Variants in TAMM41 observed in about 807,000 individuals in gnomAD.
TAMM41 encodes phosphatidate cytidylyltransferase, mitochondrial.
Under a neutral mutation model 44.1 loss-of-function variants are expected in TAMM41, and 36 were observed. The observed-to-expected ratio is 0.82, with a 90% CI of 0.63 to 1.08. TAMM41 has a LOEUF of 1.08. TAMM41 is among the 50% of genes least tolerant of loss of function. The probability of loss-of-function intolerance (pLI) is 0.00; values close to 1 mark genes in which losing one functional copy is unlikely to be tolerated. For missense variants in TAMM41, 417 were observed against 404.3 expected, an observed-to-expected ratio of 1.03 and a Z score of -0.27; for synonymous variants, 164 against 153.1, an observed-to-expected ratio of 1.07 and a Z score of -0.53.
At chr3:11,829,217 G>A (rs1024456165) in intron 4 of TAMM41, among the ~76,000 whole-genome samples, 1 of 152,102 alleles carries the variant, frequency 6.6e-6, no homozygotes, top group Non-Finnish European at 1.5e-5. Context: ...GCATCACTTG[G>A]GAACTTGTTT....
At chr3:11,775,743 T>TG in the TAMM41 span, among the ~76,000 whole-genome samples, 1 of 152,038 alleles carries the variant, frequency 6.6e-6, no homozygotes, top group African/African-American at 2.4e-5. Flanking sequence ...CAAGAAAACG[T>TG]GGGGTGTGTT....
intron 4 of TAMM41, among the ~76,000 whole-genome samples, chr3:11,828,004 T>A (rs2078828752): frequency 6.6e-6 from 1 of 152,192 alleles, no homozygotes. Flanking sequence ...TGGAAAAAGA[T>A]GGACAATGCA....
intron 4 of TAMM41, among the ~76,000 whole-genome samples, chr3:11,826,963 C>T (rs1320686482): frequency 6.6e-6 from 1 of 152,248 alleles, no homozygotes; most frequent in African/African-American, 2.4e-5. Flanking sequence ...CATCAGTCTA[C>T]TGCTTTCCTC....
intron 3 of TAMM41, among the ~76,000 whole-genome samples, chr3:11,836,580 C>T (rs2079185923): frequency 6.6e-6 from 1 of 152,242 alleles, no homozygotes; most frequent in East Asian, 1.9e-4. Flanking sequence ...TCTCCTGCCT[C>T]AGCCTCCCGA....
intron 2 of TAMM41, among the ~76,000 whole-genome samples, chr3:11,843,384 A>G (rs1327891418): frequency 6.6e-6 from 1 of 150,638 alleles, no homozygotes; most frequent in Non-Finnish European, 1.5e-5. Context: ...TGGACACACA[A>G]CCTAGGGGAT....
At chr3:11,761,204 T>C in the TAMM41 span, among the ~76,000 whole-genome samples, 2 of 152,218 alleles carry the variant, frequency 1.3e-5, no homozygotes, top group South Asian at 4.2e-4. Flanking sequence ...TGTTGTTTTA[T>C]TTTCATTTTA....
chr3:11,789,794 C>T (rs898368939), downstream of TAMM41, among the ~76,000 whole-genome samples: 4 of 152,358 alleles, frequency 2.6e-5, no homozygotes, highest in African/African-American at 7.2e-5. Flanking sequence ...GCCCTTGAAG[C>T]TGCTGCCAGC....
chr3:11,818,874 G>T (rs975177140), intron 4 of TAMM41, among the ~76,000 whole-genome samples: 2 of 150,066 alleles, frequency 1.3e-5, no homozygotes, highest in Non-Finnish European at 3.0e-5. Context: ...CTCCAGCCTG[G>T]GTGATGAAGC....
At chr3:11,844,891 T>C (rs392621) in intron 1 of TAMM41, 192,126 of 456,078 alleles carry the variant, frequency 0.42, 42,293 homozygotes, top group Middle Eastern at 0.57. Context: ...ATGTACTAAC[T>C]GCACTCAGCA....
chr3:11,732,989 G>GT, the TAMM41 span, among the ~76,000 whole-genome samples: 44,798 of 127,616 alleles, frequency 0.35, 7,973 homozygotes, highest in East Asian at 0.54. Flanking sequence ...TATGATTTGA[G>GT]TTTTTTTTTT....
At chr3:11,781,369 G>T in the TAMM41 span, among the ~76,000 whole-genome samples, 1 of 152,094 alleles carries the variant, frequency 6.6e-6, no homozygotes. Flanking sequence ...GAAGCTCTTA[G>T]CCCTGTTATA....
chr3:11,816,765 C>T (rs2078293534), intron 5 of TAMM41, among the ~76,000 whole-genome samples: 1 of 151,690 alleles, frequency 6.6e-6, no homozygotes, highest in Non-Finnish European at 1.5e-5. Context: ...GAGTCAGACC[C>T]TGTCCCCCCA....
At chr3:11,790,367 A>T, downstream of TAMM41, 1 of 800,156 alleles carries the variant, frequency 1.2e-6, no homozygotes, top group Non-Finnish European at 2.1e-6. Flanking sequence ...TCTGATGCAT[A>T]CATTTAAAAA....
the TAMM41 span, among the ~76,000 whole-genome samples, chr3:11,782,334 C>T: frequency 6.6e-6 from 1 of 151,912 alleles, no homozygotes; most frequent in East Asian, 1.9e-4. Context: ...TCACTTGAGC[C>T]CAGCAGCTCA....
At position 11,810,995 on chromosome 3, in the gene TAMM41, G is replaced by A. The variant is rs571603784; in HGVS notation, c.709-1313C>T. On this transcript the variant is annotated intron_variant, in intron 5 of 7. Coordinates refer to ENST00000455809, the MANE Select transcript of TAMM41 (RefSeq NM_001284401.2). ...AGGCTGAGGTGGGAGGATCACTTGAGCCTGGGAAGTTGAGGCTACGATGAG... is the reference window on the plus strand; with the variant it reads ...AGGCTGAGGTGGGAGGATCACTTGAACCTGGGAAGTTGAGGCTACGATGAG... The A allele has an allele frequency of 2.0e-5, 3 of 152,216 alleles. No individual in the cohort carries two copies. In the South Asian group the frequency reaches 6.2e-4, roughly 32 times the overall value. The allele number at this position is 152,216 out of a possible 1,614,324, so 9.4% of individuals were successfully genotyped here. A position where few individuals can be genotyped will look rare whatever the true frequency, so the allele number is the denominator to read the frequency against.
chr3:11,724,052 T>C, the TAMM41 span, among the ~76,000 whole-genome samples: 1 of 151,964 alleles, frequency 6.6e-6, no homozygotes, highest in Non-Finnish European at 1.5e-5. Flanking sequence ...GATTGTTTCA[T>C]AGCAAAAGAT....
the TAMM41 span, among the ~76,000 whole-genome samples, chr3:11,735,599 C>T: frequency 6.6e-6 from 1 of 152,076 alleles, no homozygotes; most frequent in African/African-American, 2.4e-5. Context: ...CATGTCATTG[C>T]ACTCCAGCCT....
intron 4 of TAMM41, among the ~76,000 whole-genome samples, chr3:11,821,423 C>T (rs1357564692): frequency 6.6e-6 from 1 of 152,148 alleles, no homozygotes; most frequent in Non-Finnish European, 1.5e-5. Context: ...ATATGCAGTT[C>T]AAATAGGTAT....
the TAMM41 span, among the ~76,000 whole-genome samples, chr3:11,775,724 T>C: frequency 1.1e-4 from 16 of 152,314 alleles, no homozygotes; most frequent in African/African-American, 3.4e-4. Context: ...TGTTGACAGA[T>C]GAACAGATCA....
Sources: gnomAD v4.1 joint callset for allele counts (sites outside exome capture counted in the v4.1 genomes callset) on GRCh38, gnomAD v4.1.1 for gene constraint, MANE v1.5 for transcripts, NCBI Gene and HGNC (gene_info 2026-07-23, HGNC 2026-07-21) for gene names.